The following STAT5B variants were observed in gnomAD, a reference collection of about 807,000 sequenced individuals.
STAT5B encodes the protein signal transducer and activator of transcription 5B.
STAT5B carries 21 observed loss-of-function variants against 107.8 expected under a neutral mutation model. The observed-to-expected ratio is 0.19, with a 90% confidence interval of 0.14 to 0.28. STAT5B has a LOEUF of 0.28. STAT5B is among the 10% of genes least tolerant of loss of function. STAT5B has a pLI of 1.00. For missense variants in STAT5B, 565 were observed against 1,008.2 expected, an observed-to-expected ratio of 0.56 and a Z score of 5.95; for synonymous variants, 325 against 401.7, an observed-to-expected ratio of 0.81 and a Z score of 2.28.
In STAT5B at chr17:42,201,667, G is replaced by A. The variant is rs2080045148; in HGVS notation, c.*71C>T. The A allele has an allele frequency of 3.0e-6, 3 of 1,016,054 alleles. No homozygotes were observed. The highest frequency in any genetic ancestry group is 4.7e-6 in the Non-Finnish European group (3 of 633,954). The allele number at this position is 1,016,054 out of a possible 1,614,324, so 62.9% of individuals were successfully genotyped here. On this transcript the variant is annotated 3_prime_UTR_variant, in exon 19 of 19. Transcript: ENST00000293328. ...TTGTTTCAAAAGAGAAGCGATTCAT[G>A]GAATTAAAACATCCACAAGAGTGAT... is the stretch of plus-strand genomic sequence containing the variant.
In STAT5B at chr17:42,201,667, G is replaced by T; in HGVS notation, c.*71C>A. 9.8e-7 allele frequency: 1 copy of T among 1,016,050 alleles called. No homozygotes were observed. Among genetic ancestry groups the T allele is most frequent in the Non-Finnish European group, 1.6e-6 (1 of 633,950 alleles). The allele number at this position is 1,016,050 out of a possible 1,614,324, so 62.9% of individuals were successfully genotyped here. On this transcript the variant is annotated 3_prime_UTR_variant, in exon 19 of 19. Transcript: ENST00000293328. Reference sequence around the variant, plus strand: ...TTGTTTCAAAAGAGAAGCGATTCATGGAATTAAAACATCCACAAGAGTGAT... The same window carrying T: ...TTGTTTCAAAAGAGAAGCGATTCATTGAATTAAAACATCCACAAGAGTGAT...
chr17:42,224,839 C>A lies in STAT5B; in HGVS notation c.315G>T (p.Leu105=), dbSNP rs768466007. 1.9e-6 allele frequency: 3 copies of A among 1,613,776 alleles called. No homozygotes were observed. The highest frequency in any genetic ancestry group is 1.7e-6 in the Non-Finnish European group (2 of 1,179,832). Residue 105 remains leucine (L), a synonymous_variant, in exon 4 of 19, where the codon CTG becomes CTT. Coordinates refer to ENST00000293328, the MANE Select transcript of STAT5B (RefSeq NM_012448.4). The part of the protein sequence containing the change: ...QNTYDRCPME[L]VRCIRHILYN... ...ACAATATATGGCGGATGCAGCGGAC[C>A]AGCTCCATGGGGCAGCGGTCATACG...
chr17:42,278,159 A>C (rs957336681), upstream of STAT5B, among the ~76,000 whole-genome samples: 12 of 152,106 alleles, frequency 7.9e-5, no homozygotes, highest in Non-Finnish European at 7.4e-5. Context: ...CATTTGCTTC[A>C]GGCAGCATGA....
At chr17:42,222,008 C>T (rs556479605) in intron 5 of STAT5B, among the ~76,000 whole-genome samples, 16 of 97,004 alleles carry the variant, frequency 1.6e-4, no homozygotes, top group African/African-American at 7.2e-4. Flanking sequence ...TGTGTGTGTG[C>T]TGTGTGTGGT....
intron 16 of STAT5B, among the ~76,000 whole-genome samples, chr17:42,206,878 CTTTTT>C (rs78288666): frequency 7.5e-6 from 1 of 132,506 alleles, no homozygotes; most frequent in Non-Finnish European, 1.6e-5. Context: ...CCCGACCTTC[CTTTTT>C]TTTTTTTTTT....
intron 3 of STAT5B, among the ~76,000 whole-genome samples, chr17:42,225,657 C>T (rs1185418683): frequency 6.6e-6 from 1 of 152,176 alleles, no homozygotes; most frequent in Non-Finnish European, 1.5e-5. Context: ...CACTTTAAAC[C>T]ACCTATAGAT....
intron 1 of STAT5B, among the ~76,000 whole-genome samples, chr17:42,263,351 C>A (rs1446645845): frequency 6.6e-6 from 1 of 151,716 alleles, no homozygotes; most frequent in Admixed American, 6.6e-5. Flanking sequence ...GGATACTATA[C>A]CAAAAAATTA....
At chr17:42,207,889 A>T (rs1031952405) in intron 15 of STAT5B, among the ~76,000 whole-genome samples, 161 bp from the exon 16 acceptor site, 1 of 152,130 alleles carries the variant, frequency 6.6e-6, no homozygotes, top group African/African-American at 2.4e-5. Flanking sequence ...ACTTTTATTT[A>T]TTTACTTACT....
chr17:42,239,863 C>T (rs1258388387), intron 1 of STAT5B, among the ~76,000 whole-genome samples: 3 of 152,176 alleles, frequency 2.0e-5, no homozygotes, highest in Admixed American at 6.6e-5. Flanking sequence ...CAGTGGCTCA[C>T]GCCTGTAATC....
At chr17:42,284,870 C>T in the STAT5B span, among the ~76,000 whole-genome samples, 2,412 of 152,280 alleles carry the variant, frequency 0.016, 31 homozygotes, top group Middle Eastern at 0.048. Flanking sequence ...AGGTTTCTTT[C>T]ATGGACTAAT....
intron 1 of STAT5B, among the ~76,000 whole-genome samples, chr17:42,275,726 CTT>C (rs1329290418): frequency 6.6e-6 from 1 of 152,018 alleles, no homozygotes; most frequent in African/African-American, 2.4e-5. Context: ...TATTTGTTGT[CTT>C]GATTCCTTAT....
rs1204472974 is a variant in STAT5B, at chr17:42,201,280, GCAGA to G, written c.*454_*457del. 19 of 483,328 alleles carry G rather than the reference GCAGA, an allele frequency of 3.9e-5. No homozygotes were observed. The highest frequency in any genetic ancestry group is 3.4e-4 in the East Asian group (11 of 32,326). 29.9% of individuals were successfully genotyped at this position (483,328 alleles called of 1,614,324 possible). On this transcript the variant is annotated 3_prime_UTR_variant, in exon 19 of 19. Coordinates refer to ENST00000293328, the MANE Select transcript of STAT5B (RefSeq NM_012448.4). ...ATCACGGTTATATATCAATTGCTTG[GCAGA>G]CAGAGTGACGAAGACTCACTGGAGC...
intron 1 of STAT5B, chr17:42,272,618 G>T (rs1431416266): frequency 2.0e-5 from 3 of 152,104 alleles, no homozygotes; most frequent in Non-Finnish European, 4.4e-5. Context: ...ATGAAGTAGC[G>T]CAAAGGGTCA....
At chr17:42,222,147 T>C (rs962032211) in intron 5 of STAT5B, among the ~76,000 whole-genome samples, 5 of 145,296 alleles carry the variant, frequency 3.4e-5, no homozygotes, top group African/African-American at 1.0e-4. Flanking sequence ...TGTGTGTGTG[T>C]GCTGTGTGTG....
At chr17:42,265,374 C>CTTTTTTTTT (rs1275073687) in intron 1 of STAT5B, among the ~76,000 whole-genome samples, 1 of 99,292 alleles carries the variant, frequency 1.0e-5, no homozygotes, top group African/African-American at 5.0e-5. Context: ...GGTATGTACT[C>CTTTTTTTTT]TTCTTTTTTT....
At chr17:42,285,827 A>G in the STAT5B span, among the ~76,000 whole-genome samples, 1 of 151,942 alleles carries the variant, frequency 6.6e-6, no homozygotes, top group Non-Finnish European at 1.5e-5. Flanking sequence ...CTGCATCTCA[A>G]AGGGAGAACA....
chr17:42,238,836 C>G (rs2080378592), intron 1 of STAT5B, among the ~76,000 whole-genome samples: 1 of 151,688 alleles, frequency 6.6e-6, no homozygotes, highest in Non-Finnish European at 1.5e-5. Flanking sequence ...TGGAAAGGCA[C>G]CATGAAGTCT....
chr17:42,212,005 C>T lies in STAT5B; in HGVS notation c.1659G>A (p.Val553=). The T allele has an allele frequency of 6.2e-7, 1 of 1,613,262 alleles. No homozygotes were observed. Among genetic ancestry groups the T allele is most frequent in the Non-Finnish European group, 8.5e-7 (1 of 1,179,652 alleles). Residue 553 remains valine (V), a synonymous_variant, in exon 13 of 19, where the codon GTG becomes GTA. Coordinates refer to ENST00000293328, the MANE Select transcript of STAT5B (RefSeq NM_012448.4). ...TCACCCTGTTGAACTGGGACCAGGA[C>T]ACAGACAGGCCACTGTAGTCCTCCA... The part of the protein sequence containing the change: ...SHLEDYSGLS[V]SWSQFNRENL...
Position 42,271,148 on chromosome 17 carries a change from T to G in STAT5B, c.-11+5100A>C, listed in dbSNP as rs114687645. 4.0e-3 allele frequency: 602 copies of G among 152,364 alleles called. 5 individuals are homozygous for G. Among genetic ancestry groups the G allele is most frequent in the African/African-American group, 0.014 (578 of 41,580 alleles). The allele number at this position is 152,364 out of a possible 1,614,324, so 9.4% of individuals were successfully genotyped here. ...AGCTCTAGCCCAGAATGATGAATAGTTATTTTTAATACAAATCATGGATGT... is the reference window on the plus strand; with the variant it reads ...AGCTCTAGCCCAGAATGATGAATAGGTATTTTTAATACAAATCATGGATGT... On this transcript the variant is annotated intron_variant, in intron 1 of 18. Transcript: ENST00000293328.
Sources: gnomAD v4.1 joint callset for allele counts (sites outside exome capture counted in the v4.1 genomes callset) on GRCh38, gnomAD v4.1.1 for gene constraint, MANE v1.5 for transcripts, NCBI Gene and HGNC (gene_info 2026-07-23, HGNC 2026-07-21) for gene names.